The following TFCP2 variants were observed in gnomAD, a reference collection of about 807,000 sequenced individuals.
TFCP2 encodes the protein transcription factor CP2.
A neutral mutation model predicts 73.4 loss-of-function variants in TFCP2; 33 were observed. The observed-to-expected ratio is 0.45, with a 90% CI of 0.34 to 0.60. TFCP2 has a LOEUF of 0.60. Ranked by LOEUF, TFCP2 falls within the 20% of genes least tolerant of loss-of-function variation. The pLI, the probability that TFCP2 is intolerant of heterozygous loss-of-function variation, is 0.01. For synonymous variants in TFCP2, 193 were observed against 211.6 expected, an observed-to-expected ratio of 0.91 and a Z score of 0.76; for missense variants, 352 against 604.0, an observed-to-expected ratio of 0.58 and a Z score of 4.37.
At chr12:51,130,545 A>T (rs1389876248) in intron 1 of TFCP2, among the ~76,000 whole-genome samples, 1 of 152,194 alleles carries the variant, frequency 6.6e-6, no homozygotes, top group Non-Finnish European at 1.5e-5. Context: ...ACTGGCATAT[A>T]GTGTCCTCTG....
chr12:51,097,778 A>G (rs7958068), intron 13 of TFCP2, among the ~76,000 whole-genome samples: 56,317 of 151,868 alleles, frequency 0.37, 13,757 homozygotes, highest in Non-Finnish European at 0.55. Flanking sequence ...GCACTTCGGG[A>G]GGCTGAGGCG....
intron 1 of TFCP2, among the ~76,000 whole-genome samples, chr12:51,164,648 G>A (rs1941718440): frequency 6.7e-6 from 1 of 150,130 alleles, no homozygotes; most frequent in Non-Finnish European, 1.5e-5. Flanking sequence ...CTGACTGGGA[G>A]AAAAAGAAAG....
chr12:51,168,079 A>C (rs1386825416), intron 1 of TFCP2, among the ~76,000 whole-genome samples: 1 of 113,478 alleles, frequency 8.8e-6, no homozygotes, highest in Non-Finnish European at 1.9e-5. Context: ...ATAAATAATA[A>C]GACAAAATTA....
In TFCP2 at chr12:51,172,686, A is replaced by G; in HGVS notation, c.-264T>C. The G allele has an allele frequency of 2.6e-6, 1 of 388,038 alleles. No homozygotes were observed. The highest frequency in any genetic ancestry group is 2.0e-5 in the African/African-American group (1 of 49,106). 24.0% of individuals were successfully genotyped at this position (388,038 alleles called of 1,614,324 possible). A position where few individuals can be genotyped will look rare whatever the true frequency, so the allele number is the denominator to read the frequency against. The stretch of plus-strand genomic sequence containing the variant: ...AACGTGAGGACCCCTTTGCTCAACT[A>G]CTGCAGACTTCCCAGAGGCAGCTCT... On this transcript the variant is annotated 5_prime_UTR_variant, in exon 1 of 15. Coordinates refer to ENST00000257915, the MANE Select transcript of TFCP2 (RefSeq NM_005653.5).
At chr12:51,102,307 G>A (rs1334068088) in intron 10 of TFCP2, among the ~76,000 whole-genome samples, 1 of 151,958 alleles carries the variant, frequency 6.6e-6, no homozygotes, top group Non-Finnish European at 1.5e-5. Flanking sequence ...ATCTAAGCTG[G>A]GCACAACATG....
chr12:51,111,048 T>A, intron 4 of TFCP2, 65 bp from the exon 5 acceptor site: 2 of 1,100,302 alleles, frequency 1.8e-6, no homozygotes, highest in Non-Finnish European at 2.8e-6. Flanking sequence ...TAAGAAAGCA[T>A]TGATTCTTAT....
chr12:51,131,207 C>T (rs1362813673), intron 1 of TFCP2, among the ~76,000 whole-genome samples: 1 of 147,746 alleles, frequency 6.8e-6, no homozygotes, highest in Non-Finnish European at 1.5e-5. Context: ...TGGTGGCGGG[C>T]GCCTGTAGTC....
intron 1 of TFCP2, among the ~76,000 whole-genome samples, chr12:51,166,208 G>A (rs1290499055): frequency 8.6e-5 from 13 of 151,446 alleles, no homozygotes; most frequent in African/African-American, 3.2e-4. Flanking sequence ...CCAGCTACTT[G>A]GGAGGCTGAG....
intron 1 of TFCP2, among the ~76,000 whole-genome samples, chr12:51,120,265 C>A (rs1488946071): frequency 6.8e-6 from 1 of 148,038 alleles, no homozygotes; most frequent in Non-Finnish European, 1.5e-5. Flanking sequence ...AGTAAGAGAA[C>A]GGATGTACAA....
At chr12:51,123,397 T>A in intron 1 of TFCP2, among the ~76,000 whole-genome samples, 1 of 152,192 alleles carries the variant, frequency 6.6e-6, no homozygotes. Context: ...TCTAGGCCCC[T>A]ATTTATACCA....
intron 1 of TFCP2, among the ~76,000 whole-genome samples, chr12:51,130,066 G>A (rs764197144): frequency 3.3e-5 from 5 of 152,088 alleles, no homozygotes; most frequent in South Asian, 2.1e-4. Flanking sequence ...TAGGAGGATC[G>A]CTTGAGCCTG....
chr12:51,099,949 T>C (rs1326310154), intron 11 of TFCP2, among the ~76,000 whole-genome samples, 170 bp from the exon 12 acceptor site: 2 of 149,310 alleles, frequency 1.3e-5, no homozygotes, highest in Non-Finnish European at 3.0e-5. Context: ...AGTAGTAGGG[T>C]TTTTTTTTTC....
intron 4 of TFCP2, among the ~76,000 whole-genome samples, chr12:51,112,427 T>G (rs1006017851): frequency 6.6e-6 from 1 of 152,186 alleles, no homozygotes; most frequent in Non-Finnish European, 1.5e-5. Flanking sequence ...AAACTGTAAT[T>G]TATAATCTAT....
intron 1 of TFCP2, among the ~76,000 whole-genome samples, chr12:51,144,553 G>C (rs11169719): frequency 0.085 from 12,975 of 152,190 alleles, 577 homozygotes; most frequent in Middle Eastern, 0.13. Flanking sequence ...ATGACAGCTA[G>C]TATAGTTGAT....
At chr12:51,147,295 A>C (rs1284578463) in intron 1 of TFCP2, among the ~76,000 whole-genome samples, 1 of 152,056 alleles carries the variant, frequency 6.6e-6, no homozygotes, top group East Asian at 1.9e-4. Flanking sequence ...GTGAGCCGAG[A>C]TTGCGCCACT....
At chr12:51,109,295 G>A (rs375997899) in intron 5 of TFCP2, 22 bp from the exon 6 acceptor site, 3 of 1,613,584 alleles carry the variant, frequency 1.9e-6, no homozygotes, top group Non-Finnish European at 2.5e-6. Context: ...ACAACAGCAA[G>A]GCTTCAGTAC....
At chr12:51,112,196 T>C (rs1940419289) in intron 4 of TFCP2, among the ~76,000 whole-genome samples, 1 of 151,996 alleles carries the variant, frequency 6.6e-6, no homozygotes. Context: ...GAAATAATAA[T>C]TGTACATATT....
intron 1 of TFCP2, among the ~76,000 whole-genome samples, chr12:51,169,562 G>GA (rs1307876716): frequency 2.0e-5 from 3 of 151,300 alleles, no homozygotes; most frequent in Non-Finnish European, 3.0e-5. Context: ...AAAAAAGGAT[G>GA]AAAAAAACAA....
At chr12:51,115,771 T>C (rs1377557127) in intron 4 of TFCP2, among the ~76,000 whole-genome samples, 4 of 152,220 alleles carry the variant, frequency 2.6e-5, no homozygotes, top group Non-Finnish European at 4.4e-5. Context: ...GAAAACATTA[T>C]GCTAAGTGAA....
Sources: allele counts gnomAD v4.1 joint callset (sites outside exome capture counted in the v4.1 genomes callset), GRCh38; gene constraint gnomAD v4.1.1; transcripts MANE v1.5; gene names NCBI Gene and HGNC (gene_info 2026-07-23, HGNC 2026-07-21).